Variants in RASSF5 observed in about 807,000 individuals in gnomAD.
RASSF5 encodes the protein ras association domain-containing protein 5.
A neutral mutation model predicts 40.5 loss-of-function variants in RASSF5; 25 were observed. That is an observed-to-expected ratio of 0.62 (90% confidence interval 0.45 to 0.86). The LOEUF is 0.86. Ranked by LOEUF, RASSF5 falls within the 40% of genes least tolerant of loss-of-function variation. The probability of loss-of-function intolerance (pLI) is 0.00; values close to 1 mark genes in which losing one functional copy is unlikely to be tolerated. For missense variants in RASSF5, 521 were observed against 572.8 expected, an observed-to-expected ratio of 0.91 and a Z score of 0.92; for synonymous variants, 246 against 252.4, an observed-to-expected ratio of 0.97 and a Z score of 0.24.
In RASSF5 at chr1:206,584,701, A is replaced by C. The variant is rs373362781; in HGVS notation, c.988+17A>C. On this transcript the variant is annotated intron_variant, in intron 4 of 5. Transcript: ENST00000579436. This position sits in a 1 kb window ranked among gnomAD's most constrained non-coding sequence, Gnocchi z 4.9. ...ACGGACAAGGTAGGAGAAAGAGTGA[A>C]CCCAACCAGACCGTTCCCTTCCTAC... is the stretch of plus-strand genomic sequence containing the variant. 7.3e-5 allele frequency: 118 copies of C among 1,613,720 alleles called. No individual in the cohort carries two copies. Among genetic ancestry groups the C allele is most frequent in the Non-Finnish European group, 9.6e-5 (113 of 1,179,838 alleles).
In RASSF5 at chr1:206,531,354, C is replaced by T. The variant is rs78549451; in HGVS notation, c.458-6818C>T. On this transcript the variant is annotated intron_variant, in intron 1 of 5. Coordinates refer to ENST00000579436, the MANE Select transcript of RASSF5 (RefSeq NM_182663.4). This position sits in a 1 kb window ranked among gnomAD's most constrained non-coding sequence, Gnocchi z 4.7. ...TTCAGGAACTGTGGCCGAGGAGATC[C>T]GGAGCAGGCGGTGAGGTTGCAGAGG... is the stretch of plus-strand genomic sequence containing the variant. 0.015 allele frequency among the ~76,000 whole-genome samples: 2,258 copies of T among 152,296 alleles called. 67 individuals carry two copies. Among genetic ancestry groups the T allele is most frequent in the African/African-American group, 0.052 (2,140 of 41,546 alleles).
At position 206,579,148 on chromosome 1, in the gene RASSF5, A is replaced by AACCTGTTTTTCACCAGTG. The variant is rs1668771263; in HGVS notation, c.580-4120_580-4103dup. ...CCACCGCATAGGACATGTGAGCACA[A>AACCTGTTTTTCACCAGTG]ACCTGTTTTTCACCAGTGCCCTGGA... On this transcript the variant is annotated intron_variant, in intron 2 of 5. Transcript: ENST00000579436. This position sits in a 1 kb window ranked among gnomAD's most constrained non-coding sequence, Gnocchi z 4.2. 8.5e-5 allele frequency among the ~76,000 whole-genome samples: 13 copies of AACCTGTTTTTCACCAGTG among 152,258 alleles called. 1 individual carries two copies. In the South Asian group the frequency reaches 2.7e-3, roughly 32 times the overall value.
intron 2 of RASSF5, among the ~76,000 whole-genome samples, chr1:206,581,672 GGAAA>G (rs139599723): frequency 6.6e-6 from 1 of 151,288 alleles, no homozygotes; most frequent in Non-Finnish European, 1.5e-5. Context: ...AAGGAAGGAA[GGAAA>G]GAAAGAAAGG....
chr1:206,553,898 C>G (rs1389052531), intron 2 of RASSF5, among the ~76,000 whole-genome samples: 1 of 152,198 alleles, frequency 6.6e-6, no homozygotes, highest in African/African-American at 2.4e-5. Flanking sequence ...GAGTCAGACC[C>G]AGCGGAATTG....
intron 2 of RASSF5, among the ~76,000 whole-genome samples, chr1:206,545,163 A>G (rs1667649121): frequency 6.6e-6 from 1 of 152,150 alleles, no homozygotes; most frequent in Admixed American, 6.5e-5. Context: ...TGTGACTGAT[A>G]ACAACAGTAG....
At chr1:206,541,110 G>A (rs1421183439) in intron 2 of RASSF5, among the ~76,000 whole-genome samples, 2 of 152,132 alleles carry the variant, frequency 1.3e-5, no homozygotes, top group Admixed American at 1.3e-4. Flanking sequence ...GGCCAGGCTG[G>A]TCTCGAACTC....
At chr1:206,565,581 T>C (rs1344079607) in intron 2 of RASSF5, among the ~76,000 whole-genome samples, 2 of 152,218 alleles carry the variant, frequency 1.3e-5, no homozygotes, top group Non-Finnish European at 2.9e-5. Context: ...CCAGCCCACA[T>C]TGTGTAACAG....
intron 1 of RASSF5, among the ~76,000 whole-genome samples, chr1:206,523,042 C>T (rs1666948467): frequency 6.6e-6 from 1 of 151,934 alleles, no homozygotes; most frequent in Non-Finnish European, 1.5e-5. Context: ...TGGTGGCTCA[C>T]ACCTGTAATC....
chr1:206,576,501 A>G (rs766658587), intron 2 of RASSF5, among the ~76,000 whole-genome samples: 18 of 152,220 alleles, frequency 1.2e-4, no homozygotes, highest in Non-Finnish European at 2.5e-4. Flanking sequence ...AATGAGAGTG[A>G]AGTTACAAAG....
At chr1:206,511,051 C>T (rs527371451) in intron 1 of RASSF5, among the ~76,000 whole-genome samples, 1 of 152,306 alleles carries the variant, frequency 6.6e-6, no homozygotes, top group African/African-American at 2.4e-5. Context: ...AAGCTTACCC[C>T]ACTTCAAGGT....
chr1:206,530,069 C>T (rs74586023), intron 1 of RASSF5, among the ~76,000 whole-genome samples: 2,488 of 152,110 alleles, frequency 0.016, 35 homozygotes, highest in African/African-American at 0.047. Context: ...AGTGTGGGTA[C>T]GTGATTTTTC....
chr1:206,551,693 C>T (rs1667846189), intron 2 of RASSF5, among the ~76,000 whole-genome samples: 2 of 152,232 alleles, frequency 1.3e-5, no homozygotes, highest in Admixed American at 6.5e-5. Context: ...TCTAGAAATC[C>T]TTAAACCCTG....
intron 2 of RASSF5, among the ~76,000 whole-genome samples, chr1:206,578,254 G>GTGTA (rs1668733039): frequency 6.6e-6 from 1 of 151,538 alleles, no homozygotes; most frequent in Non-Finnish European, 1.5e-5. Context: ...GTGTGTGTGT[G>GTGTA]TGTGTGTGTA....
intron 2 of RASSF5, among the ~76,000 whole-genome samples, chr1:206,547,758 C>T (rs1667735254): frequency 6.6e-6 from 1 of 152,060 alleles, no homozygotes. Flanking sequence ...CTATAAGCCC[C>T]TTACAATATT....
At chr1:206,523,485 ATAT>A (rs571184338) in intron 1 of RASSF5, among the ~76,000 whole-genome samples, 5 of 17,220 alleles carry the variant, frequency 2.9e-4, no homozygotes, top group Non-Finnish European at 5.3e-4. Context: ...ACAATATATA[ATAT>A]TATATATTAT....
rs1667368272 is a variant in RASSF5, at chr1:206,535,709, G to GTC, written c.458-2462_458-2461insCT. On this transcript the variant is annotated intron_variant, in intron 1 of 5. Coordinates refer to ENST00000579436, the MANE Select transcript of RASSF5 (RefSeq NM_182663.4). This position sits in a 1 kb window ranked among gnomAD's most constrained non-coding sequence, Gnocchi z 5.0. ...GGTGTGTGTGTGTGTGTGTCTGTGTGTGTGTGGTGTGTGTGTGTGTGTGTG... is the reference window on the plus strand; with the variant it reads ...GGTGTGTGTGTGTGTGTGTCTGTGTGTCTGTGTGGTGTGTGTGTGTGTGTGTG... Among the ~76,000 whole-genome samples, 2 of 78,532 alleles carry GTC rather than the reference G, an allele frequency of 2.5e-5. No homozygotes were observed. Among genetic ancestry groups the GTC allele is most frequent in the Admixed American group, 1.3e-4 (1 of 7,410 alleles). The allele number at this position is 78,532 out of a possible 152,430, so 51.5% of individuals were successfully genotyped here. A position where few individuals can be genotyped will look rare whatever the true frequency, so the allele number is the denominator to read the frequency against.
intron 1 of RASSF5, among the ~76,000 whole-genome samples, chr1:206,533,148 A>G (rs1553398165): frequency 6.6e-6 from 1 of 152,192 alleles, no homozygotes; most frequent in African/African-American, 2.4e-5. Context: ...GCTACAGTGA[A>G]AGAAGTAATG....
intron 2 of RASSF5, chr1:206,541,678 C>T (rs1033386504): frequency 2.6e-5 from 4 of 152,198 alleles, no homozygotes; most frequent in Non-Finnish European, 4.4e-5. Context: ...GTTTAAGCCT[C>T]ATTTGCTAAG....
At chr1:206,520,596 G>A (rs1666879599) in intron 1 of RASSF5, among the ~76,000 whole-genome samples, 1 of 131,222 alleles carries the variant, frequency 7.6e-6, no homozygotes, top group Non-Finnish European at 1.6e-5. Context: ...GACAAAGCAA[G>A]ACTCCATCTC....
Sources: allele counts gnomAD v4.1 joint callset (sites outside exome capture counted in the v4.1 genomes callset), GRCh38; gene constraint gnomAD v4.1.1; non-coding constraint Gnocchi (gnomAD v3.1); transcripts MANE v1.5; gene names NCBI Gene and HGNC (gene_info 2026-07-23, HGNC 2026-07-21).